The following PKD1L1 variants were observed in gnomAD, a reference collection of about 807,000 sequenced individuals.
The protein encoded by PKD1L1 is polycystin 1 like 1, transient receptor potential channel interacting, also known as polycystin-1-like protein 1.
Under a neutral mutation model 323.4 loss-of-function variants are expected in PKD1L1, and 236 were observed. The ratio of observed to expected loss-of-function variants is 0.73; its 90% CI spans 0.66 to 0.81. PKD1L1 has a LOEUF of 0.81. Among genes scored for constraint, PKD1L1 ranks in the 40% least tolerant of loss-of-function variants. The pLI is 0.00. For missense variants in PKD1L1, 3,320 were observed against 3,508.0 expected, an observed-to-expected ratio of 0.95 and a Z score of 1.35; for synonymous variants, 1,344 against 1,335.0, an observed-to-expected ratio of 1.01 and a Z score of -0.15.
At chr7:47,906,191 T>C (rs138072175) in intron 9 of PKD1L1, among the ~76,000 whole-genome samples, 11 of 152,370 alleles carry the variant, frequency 7.2e-5, no homozygotes, top group African/African-American at 2.6e-4. Flanking sequence ...AAATGAGAAC[T>C]CCCTGCATGG....
intron 4 of PKD1L1, 129 bp downstream of exon 4, chr7:47,936,717 G>A: frequency 1.5e-6 from 1 of 679,090 alleles, no homozygotes; most frequent in South Asian, 1.9e-5. Flanking sequence ...TTTAAGAGCT[G>A]CATTTGCTAA....
chr7:47,959,164 G>A, the PKD1L1 span, among the ~76,000 whole-genome samples: 21 of 152,144 alleles, frequency 1.4e-4, 1 homozygote, highest in South Asian at 4.1e-3. Context: ...CGTGATCTCG[G>A]CTCGCTACAA....
At chr7:47,848,642 C>A (rs1242220805) in intron 31 of PKD1L1, among the ~76,000 whole-genome samples, 1 of 152,062 alleles carries the variant, frequency 6.6e-6, no homozygotes, top group African/African-American at 2.4e-5. Context: ...TCTGTCTCTA[C>A]TAAAAATACA....
rs75461659 is a variant in PKD1L1, at chr7:47,838,212, C to T, written c.5770-1118G>A. ...TTTCAAATCCTTTGTGATCATGTTT[C>T]TTACTAGCTTAGCAATATGTCAGGC... is the stretch of plus-strand genomic sequence containing the variant. On this transcript the variant is annotated intron_variant, in intron 36 of 56. Coordinates refer to ENST00000289672, the MANE Select transcript of PKD1L1 (RefSeq NM_138295.5). Among the ~76,000 whole-genome samples, 562 of 152,360 alleles carry T rather than the reference C, an allele frequency of 3.7e-3. 2 individuals carry two copies. Among genetic ancestry groups the T allele is most frequent in the African/African-American group, 0.013 (525 of 41,582 alleles).
intron 21 of PKD1L1, among the ~76,000 whole-genome samples, chr7:47,878,644 G>A (rs761036748): frequency 5.3e-5 from 8 of 152,204 alleles, no homozygotes; most frequent in Non-Finnish European, 1.2e-4. Flanking sequence ...CTCCACAAAA[G>A]AAGACACATT....
intron 8 of PKD1L1, among the ~76,000 whole-genome samples, chr7:47,914,493 T>A (rs1787387356): frequency 6.6e-6 from 1 of 152,112 alleles, no homozygotes; most frequent in Non-Finnish European, 1.5e-5. Flanking sequence ...GGGGTCTTCA[T>A]AGGCAAGGCA....
rs149322509 is a variant in PKD1L1 at position 47,876,142 on chromosome 7, A to T, written c.3739T>A (p.Tyr1247Asn). 13 of 1,614,142 alleles carry T rather than the reference A, an allele frequency of 8.1e-6. No individual in the cohort carries two copies. In the East Asian group the frequency reaches 2.9e-4, roughly 36 times the overall value. ...TCACCAGCTGGCAACACAAAATAAT[A>T]CTGGGTGTCTCTCCCATGGTACAAA... ...HTLYHGRDTQ[Y>N]YFVLPAGEHL... Residue 1247 changes from tyrosine (Y) to asparagine (N), a missense_variant, in exon 23 of 57, where the codon TAT becomes AAT. By Grantham distance (143) the Tyr-to-Asn change is moderately radical (BLOSUM62 -2). Coordinates refer to ENST00000289672, the MANE Select transcript of PKD1L1 (RefSeq NM_138295.5).
chr7:47,900,491 G>A (rs1787062614), intron 13 of PKD1L1, among the ~76,000 whole-genome samples: 1 of 152,224 alleles, frequency 6.6e-6, no homozygotes, highest in Non-Finnish European at 1.5e-5. Flanking sequence ...CACATTGGGA[G>A]GCCAAGGTGG....
At chr7:47,960,171 GCATGCTCGTTA>G in the PKD1L1 span, among the ~76,000 whole-genome samples, 1 of 149,968 alleles carries the variant, frequency 6.7e-6, no homozygotes, top group Non-Finnish European at 1.5e-5. Context: ...CTTGAAGGCA[GCATGCTCGTTA>G]AGAGTCATCA....
rs764994696 is a variant in PKD1L1, at chr7:47,840,437, TA to T, written c.5552+23del. 2 of 1,564,132 alleles carry T rather than the reference TA, an allele frequency of 1.3e-6. No homozygotes were observed. Among genetic ancestry groups the T allele is most frequent in the Admixed American group, 3.3e-5 (2 of 59,892 alleles). ...CTGATTGGCCTCTCTTTCCCAAATC[TA>T]GCAGTGAAATATTTTGGAATACCTC... On this transcript the variant is annotated intron_variant, in intron 35 of 56. Coordinates refer to ENST00000289672, the MANE Select transcript of PKD1L1 (RefSeq NM_138295.5). This position sits in a 1 kb window ranked among gnomAD's most constrained non-coding sequence, Gnocchi z 4.1.
rs559939741 is a variant in PKD1L1, at chr7:47,908,769, T to TCCTCTC, written c.1229-520_1229-519insGAGAGG. On this transcript the variant is annotated intron_variant, in intron 8 of 56. Transcript: ENST00000289672. ...GCTCCTCTCATTAAGTGGAGAAGAC[T>TCCTCTC]ATTGCTTCACCCCTCGAATCAGTGC... Among the ~76,000 whole-genome samples the TCCTCTC allele has an allele frequency of 1.6e-3, 238 of 152,352 alleles. 2 individuals carry two copies. The highest frequency in any genetic ancestry group is 5.3e-3 in the African/African-American group (221 of 41,576).
chr7:47,815,350 C>T lies in PKD1L1; in HGVS notation c.7073G>A (p.Arg2358His), dbSNP rs202060442. 309 of 1,613,892 alleles carry T rather than the reference C, an allele frequency of 1.9e-4. No homozygotes were observed. Among genetic ancestry groups the T allele is most frequent in the South Asian group, 1.6e-3 (143 of 91,060 alleles). ...AAAGCTCACCTGAGCCCCCGGCACA[C>T]GGGCTGACGGGGTGCCTCCCGGGTA... is the stretch of plus-strand genomic sequence containing the variant. ...GLYPGGTPSARVPGAQPGALG... is the reference protein window; with the variant it reads ...GLYPGGTPSAHVPGAQPGALG... Residue 2358 changes from arginine (R) to histidine (H), a missense_variant, in exon 47 of 57, where the codon CGT becomes CAT. Physicochemically the swap from Arg to His is conservative, Grantham distance 29. Coordinates refer to ENST00000289672, the MANE Select transcript of PKD1L1 (RefSeq NM_138295.5).
chr7:47,874,012 T>C lies in PKD1L1; in HGVS notation c.3785-2A>G. 6.3e-7 allele frequency: 1 copy of C among 1,593,634 alleles called. No individual in the cohort carries two copies. Among genetic ancestry groups the C allele is most frequent in the Non-Finnish European group, 8.6e-7 (1 of 1,162,424 alleles). On this transcript the variant is annotated splice_acceptor_variant, in intron 23 of 56. Transcript: ENST00000289672. LOFTEE classifies it high-confidence loss of function. ...CTGTGATTTCAGTGGAAACCATGAC[T>C]GTGAGGGAACATGTCAGAAGAGGGT...
At chr7:47,925,120 G>A (rs1399803034) in intron 7 of PKD1L1, among the ~76,000 whole-genome samples, 1 of 151,720 alleles carries the variant, frequency 6.6e-6, no homozygotes, top group Non-Finnish European at 1.5e-5. Context: ...ACCAGTTTGG[G>A]GACAAAATGG....
At chr7:47,811,087 C>T (rs1200670203) in intron 50 of PKD1L1, among the ~76,000 whole-genome samples, 2 of 152,124 alleles carry the variant, frequency 1.3e-5, no homozygotes, top group Admixed American at 1.3e-4. Flanking sequence ...CTCGCCAGAA[C>T]CTCACCAGGC....
chr7:47,809,050 T>A (rs7808397), intron 51 of PKD1L1: 112,243 of 154,790 alleles, frequency 0.73, 40,835 homozygotes, highest in Middle Eastern at 0.74. Context: ...TGTACAGCTG[T>A]ACAAAAAATA....
Position 47,876,551 on chromosome 7 carries a change from A to C in PKD1L1, c.3664-334T>G, listed in dbSNP as rs4724658. The stretch of plus-strand genomic sequence containing the variant: ...GGGCCCCAGCTGCCCCTCAGCTTCC[A>C]CACTGCTGGGCATCACACAGCAGGA... On this transcript the variant is annotated intron_variant, in intron 22 of 56. Coordinates refer to ENST00000289672, the MANE Select transcript of PKD1L1 (RefSeq NM_138295.5). 0.36 allele frequency among the ~76,000 whole-genome samples: 55,259 copies of C among 151,958 alleles called. 11,450 individuals are homozygous for C. Among genetic ancestry groups the C allele is most frequent in the African/African-American group, 0.57 (23,455 of 41,434 alleles).
rs765042511 is a variant in PKD1L1 at position 47,837,088 on chromosome 7, A to G, written c.5776T>C (p.Tyr1926His). The G allele has an allele frequency of 6.2e-7, 1 of 1,614,042 alleles. No individual in the cohort carries two copies. Among genetic ancestry groups the G allele is most frequent in the East Asian group, 2.2e-5 (1 of 44,868 alleles). Residue 1926 changes from tyrosine (Y) to histidine (H), a missense_variant, in exon 37 of 57, where the codon TAT (tyrosine) becomes CAT (histidine). Coordinates refer to ENST00000289672, the MANE Select transcript of PKD1L1 (RefSeq NM_138295.5). Reference sequence around the variant, plus strand: ...TCCAGGTACTCTGTGAACTTGCAATAGAAAAGCTGAAACGGAAAGCAGGAG... The same window carrying G: ...TCCAGGTACTCTGTGAACTTGCAATGGAAAAGCTGAAACGGAAAGCAGGAG... ...QGGLGFRKLFYCKFTEYLEDF... is the reference protein window; with the variant it reads ...QGGLGFRKLFHCKFTEYLEDF...
chr7:47,777,692 A>G (rs1786599773), intron 56 of PKD1L1, among the ~76,000 whole-genome samples: 1 of 152,174 alleles, frequency 6.6e-6, no homozygotes, highest in African/African-American at 2.4e-5. Context: ...TGCTATAACA[A>G]AGAGCCCCCA....
Sources: allele counts gnomAD v4.1 joint callset (sites outside exome capture counted in the v4.1 genomes callset), GRCh38; gene constraint gnomAD v4.1.1; non-coding constraint Gnocchi (gnomAD v3.1); transcripts MANE v1.5; gene names NCBI Gene and HGNC (gene_info 2026-07-23, HGNC 2026-07-21).